SYNJ2: variants seen among roughly 807,000 people sequenced by gnomAD.
The protein encoded by SYNJ2 is polyphosphatidylinositol phosphatase SYNJ2.
Under a neutral mutation model 141.3 loss-of-function variants are expected in SYNJ2, and 116 were observed. That is an observed-to-expected ratio of 0.82 (90% CI 0.71 to 0.96). The LOEUF is 0.96. SYNJ2 is among the 40% of genes least tolerant of loss of function. The probability of loss-of-function intolerance (pLI) is 0.00; values close to 1 mark genes in which losing one functional copy is unlikely to be tolerated. For missense variants in SYNJ2, 1,873 were observed against 1,934.8 expected (o/e 0.97, Z 0.60); for synonymous variants, 745 against 777.7 (o/e 0.96, Z 0.70).
intron 12 of SYNJ2, chr6:158,067,938 G>A: frequency 1.0e-6 from 1 of 985,270 alleles, no homozygotes; most frequent in Non-Finnish European, 1.2e-6. Flanking sequence ...CCCCACGAAA[G>A]TGACTCCTCT....
At chr6:157,989,986 C>T (rs1777357654) in intron 1 of SYNJ2, among the ~76,000 whole-genome samples, 2 of 152,220 alleles carry the variant, frequency 1.3e-5, no homozygotes, top group Non-Finnish European at 2.9e-5. Context: ...AGGAGCCAGC[C>T]TCGGAGCGTG....
In SYNJ2 at chr6:158,096,905, A is replaced by C; in HGVS notation, c.*541A>C. 1 of 154,522 alleles carries C rather than the reference A, an allele frequency of 6.5e-6. No individual in the cohort carries two copies. The highest frequency in any genetic ancestry group is 1.9e-4 in the East Asian group (1 of 5,224). 9.6% of individuals were successfully genotyped at this position (154,522 alleles called of 1,614,324 possible). A position where few individuals can be genotyped will look rare whatever the true frequency, so the allele number is the denominator to read the frequency against. ...AGCAGCCAAATAGGTCAACCTAATG[A>C]CTAGACTGTACATTCCCATGAGCCT... is the stretch of plus-strand genomic sequence containing the variant. On this transcript the variant is annotated 3_prime_UTR_variant, in exon 27 of 27. Transcript: ENST00000355585.
chr6:158,087,437 C>T (rs534554630), intron 23 of SYNJ2, among the ~76,000 whole-genome samples: 14 of 152,214 alleles, frequency 9.2e-5, no homozygotes, highest in Non-Finnish European at 1.6e-4. Context: ...TCCTGTTCCC[C>T]GGGCTCAGAA....
intron 1 of SYNJ2, among the ~76,000 whole-genome samples, chr6:158,016,135 A>G (rs1778444331): frequency 6.6e-6 from 1 of 152,118 alleles, no homozygotes; most frequent in Non-Finnish European, 1.5e-5. Context: ...TGTTTTTGAG[A>G]CAGAGTCTCA....
In SYNJ2 at chr6:158,081,500, A is replaced by G; in HGVS notation, c.2855A>G (p.Asp952Gly). 6.3e-7 allele frequency: 1 copy of G among 1,598,436 alleles called. No homozygotes were observed. Among genetic ancestry groups the G allele is most frequent in the Non-Finnish European group, 8.5e-7 (1 of 1,171,872 alleles). Residue 952 changes from aspartate (D) to glycine (G), a missense_variant, in exon 20 of 27, where the codon GAC becomes GGC. Coordinates refer to ENST00000355585, the MANE Select transcript of SYNJ2 (RefSeq NM_003898.4). Reference protein sequence around the residue: ...SHSALSVLDVDGMKVKGRAVK... With the variant: ...SHSALSVLDVGGMKVKGRAVK... Reference sequence around the variant, plus strand: ...TCGGCTCTCAGTGTCCTGGACGTGGACGGTATGAAGGTACGCTGTACTTGG... The same window carrying G: ...TCGGCTCTCAGTGTCCTGGACGTGGGCGGTATGAAGGTACGCTGTACTTGG...
intron 2 of SYNJ2, among the ~76,000 whole-genome samples, chr6:158,024,997 G>A (rs1778964249): frequency 6.6e-6 from 1 of 152,186 alleles, no homozygotes; most frequent in Non-Finnish European, 1.5e-5. Flanking sequence ...TTTTAAAATG[G>A]GCAGGGAACG....
At chr6:158,017,895 G>T (rs1331863525) in intron 2 of SYNJ2, 3 of 440,916 alleles carry the variant, frequency 6.8e-6, no homozygotes, top group East Asian at 6.9e-5. Flanking sequence ...ATTGCTTGCC[G>T]GCGAGGGCCT....
Position 158,068,707 on chromosome 6 carries a change from C to T in SYNJ2, c.1778C>T (p.Ala593Val). The part of the protein sequence containing the change: ...VGFEEMVELS[A>V]GNIVNASTTN... ...TTTGAAGAGATGGTGGAATTGAGCG[C>T]AGGGAATATTGTCAATGCCAGGTAA... Residue 593 changes from alanine (A) to valine (V), a missense_variant, in exon 13 of 27, where the codon GCA (alanine) becomes GTA (valine). By Grantham distance (64) the Ala-to-Val change is moderately conservative (BLOSUM62 0). Coordinates refer to ENST00000355585, the MANE Select transcript of SYNJ2 (RefSeq NM_003898.4). 1 of 1,614,178 alleles carries T rather than the reference C, an allele frequency of 6.2e-7. No individual in the cohort carries two copies. The highest frequency in any genetic ancestry group is 8.5e-7 in the Non-Finnish European group (1 of 1,180,044).
In SYNJ2 at chr6:158,066,818, T is replaced by C. The variant is rs144489498; in HGVS notation, c.1717+183T>C. ...CTGCCTCGCAAGTAACTGACCTTTT[T>C]CCTTTCCCAGATGTTTAGAAGAGTT... On this transcript the variant is annotated intron_variant, in intron 12 of 26. Transcript: ENST00000355585. The C allele has an allele frequency of 8.9e-5, 60 of 675,690 alleles. No homozygotes were observed. The East Asian group carries it at 1.5e-3, about 16-fold the overall frequency. The allele number at this position is 675,690 out of a possible 1,614,324, so 41.9% of individuals were successfully genotyped here.
chr6:158,017,395 T>G, intron 2 of SYNJ2, 105 bp downstream of exon 2: 3 of 988,510 alleles, frequency 3.0e-6, no homozygotes, highest in African/African-American at 1.7e-5. Flanking sequence ...ACCGCTCTTC[T>G]CTCTCTCTTC....
chr6:158,080,163 A>T (rs1370934070), intron 18 of SYNJ2, among the ~76,000 whole-genome samples: 1 of 152,170 alleles, frequency 6.6e-6, no homozygotes, highest in Non-Finnish European at 1.5e-5. Context: ...AGGTATCATA[A>T]CTGTTTCCCC....
intron 13 of SYNJ2, among the ~76,000 whole-genome samples, chr6:158,069,100 GGT>G (rs1781749698): frequency 6.6e-6 from 1 of 152,106 alleles, no homozygotes; most frequent in Non-Finnish European, 1.5e-5. Context: ...CCTGGGGAGA[GGT>G]GAGAAAGTGT....
intron 24 of SYNJ2, among the ~76,000 whole-genome samples, 191 bp downstream of exon 24, chr6:158,088,963 A>T (rs536730746): frequency 6.6e-6 from 1 of 152,276 alleles, no homozygotes; most frequent in South Asian, 2.1e-4. Context: ...GGAGTGTTCT[A>T]GAAAAAATCA....
intron 3 of SYNJ2, among the ~76,000 whole-genome samples, chr6:158,032,820 T>C (rs1191981729): frequency 6.6e-6 from 1 of 152,218 alleles, no homozygotes; most frequent in Non-Finnish European, 1.5e-5. Flanking sequence ...GTTATCATCA[T>C]GGACTCTAGA....
At chr6:158,055,137 T>G (rs1231317536) in intron 6 of SYNJ2, 109 bp downstream of exon 6, 9 of 1,154,098 alleles carry the variant, frequency 7.8e-6, no homozygotes, top group Non-Finnish European at 1.1e-5. Flanking sequence ...CCCTGAACCC[T>G]GAATCTAAAG....
At chr6:158,018,066 G>A (rs1778565011) in intron 2 of SYNJ2, among the ~76,000 whole-genome samples, 1 of 152,358 alleles carries the variant, frequency 6.6e-6, no homozygotes, top group South Asian at 2.1e-4. Flanking sequence ...AGCCACCGAT[G>A]TGTGACTGTC....
At chr6:158,059,434 G>T in intron 7 of SYNJ2, 81 bp downstream of exon 7, 6 of 1,531,702 alleles carry the variant, frequency 3.9e-6, no homozygotes, top group Non-Finnish European at 5.3e-6. Flanking sequence ...GGTGGCTCCT[G>T]CAGGGACTGG....
Position 158,074,616 on chromosome 6 carries a change from T to C in SYNJ2, c.2170T>C (p.Cys724Arg). Residue 724 changes from cysteine (C) to arginine (R), a missense_variant, in exon 16 of 27, where the codon TGT becomes CGT. Coordinates refer to ENST00000355585, the MANE Select transcript of SYNJ2 (RefSeq NM_003898.4). The stretch of plus-strand genomic sequence containing the variant: ...TTTTTCTCATGATTATGTATTTTGG[T>C]GTGGCGATTTCAACTACCGCATTGA... ...NVFSHDYVFW[C>R]GDFNYRIDLT... The C allele has an allele frequency of 6.2e-7, 1 of 1,613,844 alleles. No homozygotes were observed. Among genetic ancestry groups the C allele is most frequent in the Non-Finnish European group, 8.5e-7 (1 of 1,179,962 alleles).
intron 1 of SYNJ2, among the ~76,000 whole-genome samples, chr6:158,010,368 G>A (rs1464208389): frequency 6.6e-6 from 1 of 152,228 alleles, no homozygotes; most frequent in African/African-American, 2.4e-5. Context: ...CTCTGGAACC[G>A]GCCTCCTGGG....
Sources: allele counts gnomAD v4.1 joint callset (sites outside exome capture counted in the v4.1 genomes callset), GRCh38; gene constraint gnomAD v4.1.1; transcripts MANE v1.5; gene names NCBI Gene and HGNC (gene_info 2026-07-23, HGNC 2026-07-21).